Variants in LONP1 observed in about 807,000 individuals in gnomAD.
LONP1 encodes the protein lon peptidase 1, mitochondrial.
A neutral mutation model predicts 98.5 loss-of-function variants in LONP1; 31 were observed. The observed-to-expected ratio is 0.31, with a 90% CI of 0.24 to 0.42. The LOEUF (loss-of-function observed/expected upper bound fraction) is 0.42. Among genes scored for constraint, LONP1 ranks in the 20% least tolerant of loss-of-function variants. The pLI is 1.00. For synonymous variants in LONP1, 781 were observed against 594.7 expected, an observed-to-expected ratio of 1.31 and a Z score of -4.56; for missense variants, 1,336 against 1,350.6, an observed-to-expected ratio of 0.99 and a Z score of 0.17.
intron 1 of LONP1, among the ~76,000 whole-genome samples, chr19:5,716,672 C>G (rs918389869): frequency 2.6e-5 from 4 of 151,614 alleles, no homozygotes; most frequent in Non-Finnish European, 5.9e-5. Context: ...TACCTCTGTA[C>G]TGTAAGGAAA....
At position 5,694,747 on chromosome 19, in the gene LONP1, G is replaced by A; in HGVS notation, c.2154+14C>T. 6.3e-7 allele frequency: 1 copy of A among 1,583,740 alleles called. No homozygotes were observed. Among genetic ancestry groups the A allele is most frequent in the Non-Finnish European group, 8.6e-7 (1 of 1,156,814 alleles). On this transcript the variant is annotated intron_variant, in intron 14 of 17. Transcript: ENST00000360614. Reference sequence around the variant, plus strand: ...GTGGGCGGCAGGTGCCAGGAGGGCGGGCTGGCCGCTCACCTTCTCCACTTG... The same window carrying A: ...GTGGGCGGCAGGTGCCAGGAGGGCGAGCTGGCCGCTCACCTTCTCCACTTG...
chr19:5,697,776 C>T (rs1212640484), intron 10 of LONP1, among the ~76,000 whole-genome samples: 1 of 151,986 alleles, frequency 6.6e-6, no homozygotes, highest in Non-Finnish European at 1.5e-5. Context: ...CTCAGGAACC[C>T]AGAGACGTCA....
intron 15 of LONP1, 42 bp from the exon 16 acceptor site, chr19:5,693,811 C>T (rs947347555): frequency 6.4e-7 from 1 of 1,554,956 alleles, no homozygotes; most frequent in Non-Finnish European, 8.8e-7. Flanking sequence ...GGCCTCGGAG[C>T]CCAGGCCGGT....
intron 1 of LONP1, among the ~76,000 whole-genome samples, chr19:5,716,616 G>A (rs980873432): frequency 1.3e-5 from 2 of 150,828 alleles, no homozygotes; most frequent in Non-Finnish European, 2.9e-5. Context: ...GAGGGTGTGT[G>A]ACCCACTGTT....
At chr19:5,704,071 G>A (rs1321995800) in intron 8 of LONP1, among the ~76,000 whole-genome samples, 3 of 152,226 alleles carry the variant, frequency 2.0e-5, no homozygotes, top group Non-Finnish European at 4.4e-5. Flanking sequence ...CGAGACAGGA[G>A]AGCATTCTGG....
chr19:5,694,363 G>A, intron 15 of LONP1, 24 bp downstream of exon 15: 2 of 1,608,688 alleles, frequency 1.2e-6, no homozygotes, highest in Non-Finnish European at 1.7e-6. Context: ...TGGCTTTGGG[G>A]TCTTCTCCCG....
chr19:5,712,195 C>T, intron 3 of LONP1, 193 bp from the exon 4 acceptor site: 2 of 574,360 alleles, frequency 3.5e-6, no homozygotes. Context: ...GTGTCCCCTC[C>T]ACCCCTTAGA....
intron 8 of LONP1, among the ~76,000 whole-genome samples, chr19:5,702,492 C>T (rs2055071453): frequency 6.6e-6 from 1 of 151,446 alleles, no homozygotes; most frequent in East Asian, 2.0e-4. Context: ...TGGGGGTCAG[C>T]CCCCCGCCCG....
At chr19:5,702,840 ACCACTCC>A (rs1185444417) in intron 8 of LONP1, among the ~76,000 whole-genome samples, 1 of 151,080 alleles carries the variant, frequency 6.6e-6, no homozygotes. Context: ...AAGAGTCATC[ACCACTCC>A]CTAATCTCAA....
rs550980846 is a variant in LONP1, at chr19:5,701,736, C to G, written c.1368-809G>C. ...CCTCCCAAAGTGCCGAGATTGCAGC[C>G]TCTGCCCGGCCGCCACCCTGTCTGG... On this transcript the variant is annotated intron_variant, in intron 8 of 17. Coordinates refer to ENST00000360614, the MANE Select transcript of LONP1 (RefSeq NM_004793.4). Among the ~76,000 whole-genome samples, 25 of 152,326 alleles carry G rather than the reference C, an allele frequency of 1.6e-4. No homozygotes were observed. The East Asian group carries it at 3.7e-3, about 22-fold the overall frequency.
chr19:5,703,110 G>A (rs1484137061), intron 8 of LONP1, among the ~76,000 whole-genome samples: 2 of 151,564 alleles, frequency 1.3e-5, no homozygotes, highest in Non-Finnish European at 2.9e-5. Context: ...GAACCCGAGA[G>A]GCGGAGCTTG....
chr19:5,693,838 G>A (rs896912057), intron 15 of LONP1, 69 bp from the exon 16 acceptor site: 120 of 1,347,216 alleles, frequency 8.9e-5, no homozygotes, highest in African/African-American at 6.5e-4. Flanking sequence ...TCCACCCCTC[G>A]GGGCCACTCT....
At chr19:5,707,639 C>G (rs1599469567) in intron 6 of LONP1, 58 bp downstream of exon 6, 54 of 1,571,032 alleles carry the variant, frequency 3.4e-5, no homozygotes, top group Non-Finnish European at 4.6e-5. Flanking sequence ...GTGGGCGGAG[C>G]ATAGTGGAGG....
At chr19:5,717,084 G>A (rs116940958) in intron 1 of LONP1, among the ~76,000 whole-genome samples, 2,989 of 152,266 alleles carry the variant, frequency 0.02, 49 homozygotes, top group East Asian at 0.036. Flanking sequence ...GTGAGCCACC[G>A]CGCCCAGCCC....
chr19:5,701,676 C>T lies in LONP1; in HGVS notation c.1368-749G>A, dbSNP rs530956625. ...GGAGTGCAGTGGCGTGATCTCGGCTCGCTACAACCTCCACCTCCCAGCCGC... is the reference window on the plus strand; with the variant it reads ...GGAGTGCAGTGGCGTGATCTCGGCTTGCTACAACCTCCACCTCCCAGCCGC... On this transcript the variant is annotated intron_variant, in intron 8 of 17. Coordinates refer to ENST00000360614, the MANE Select transcript of LONP1 (RefSeq NM_004793.4). Among the ~76,000 whole-genome samples, 139 of 152,268 alleles carry T rather than the reference C, an allele frequency of 9.1e-4. 1 individual carries two copies. The highest frequency in any genetic ancestry group is 3.2e-3 in the African/African-American group (132 of 41,564).
intron 4 of LONP1, among the ~76,000 whole-genome samples, chr19:5,710,664 C>G (rs1172190692): frequency 6.6e-6 from 1 of 152,124 alleles, no homozygotes; most frequent in Admixed American, 6.6e-5. Flanking sequence ...AGGCATGAGA[C>G]ACTGTACCCA....
At chr19:5,715,950 C>CA (rs2055311601) in intron 1 of LONP1, among the ~76,000 whole-genome samples, 1 of 151,948 alleles carries the variant, frequency 6.6e-6, no homozygotes, top group African/African-American at 2.4e-5. Context: ...CCCCCAGGAT[C>CA]ACAGCACATT....
At chr19:5,697,070 G>A (rs1475666576) in intron 10 of LONP1, among the ~76,000 whole-genome samples, 3 of 152,168 alleles carry the variant, frequency 2.0e-5, no homozygotes, top group African/African-American at 7.2e-5. Context: ...ACTCCTCACT[G>A]AGGGACGCCA....
intron 4 of LONP1, among the ~76,000 whole-genome samples, chr19:5,710,638 A>C (rs1456784366): frequency 1.3e-5 from 2 of 152,072 alleles, no homozygotes; most frequent in Non-Finnish European, 2.9e-5. Context: ...TTGGCCTCCA[A>C]AAGTGTTGGG....
Sources: allele counts gnomAD v4.1 joint callset (sites outside exome capture counted in the v4.1 genomes callset), GRCh38; gene constraint gnomAD v4.1.1; transcripts MANE v1.5; gene names NCBI Gene and HGNC (gene_info 2026-07-23, HGNC 2026-07-21).